NLN: variants seen among roughly 807,000 people sequenced by gnomAD.
NLN encodes the protein neurolysin.
A neutral mutation model predicts 79.9 loss-of-function variants in NLN; 64 were observed. The observed-to-expected ratio is 0.80, with a 90% CI of 0.65 to 0.99. NLN has a LOEUF of 0.99. Among genes scored for constraint, NLN ranks in the 50% least tolerant of loss-of-function variants. The probability of loss-of-function intolerance (pLI) is 0.00; values close to 1 mark genes in which losing one functional copy is unlikely to be tolerated. For missense variants in NLN, 835 were observed against 858.7 expected (o/e 0.97, Z 0.34); for synonymous variants, 267 against 296.6 (o/e 0.90, Z 1.02).
intron 12 of NLN, among the ~76,000 whole-genome samples, chr5:65,812,969 A>G (rs1458923996): frequency 1.3e-4 from 20 of 152,070 alleles, no homozygotes; most frequent in Admixed American, 1.3e-3. Context: ...ACAGCCCCCA[A>G]TCTCCATTCT....
intron 1 of NLN, among the ~76,000 whole-genome samples, chr5:65,750,540 ACTCCATCT>A (rs974185405): frequency 5.1e-4 from 78 of 152,214 alleles, no homozygotes; most frequent in African/African-American, 1.8e-3. Context: ...ACATAGCAAG[ACTCCATCT>A]CTACTAAAAA....
At chr5:65,816,523 G>A (rs1221180876) in intron 12 of NLN, among the ~76,000 whole-genome samples, 6 of 149,530 alleles carry the variant, frequency 4.0e-5, no homozygotes, top group African/African-American at 7.4e-5. Flanking sequence ...CTCGTACCCC[G>A]AACGTAAAAG....
chr5:65,786,278 C>T (rs16894342), intron 7 of NLN, among the ~76,000 whole-genome samples: 18,496 of 151,898 alleles, frequency 0.12, 2,564 homozygotes, highest in African/African-American at 0.34. Flanking sequence ...ACAAATATGA[C>T]GTACATAAAA....
In NLN at chr5:65,763,079, G is replaced by A; in HGVS notation, c.421G>A (p.Asp141Asn). 6.2e-7 allele frequency: 1 copy of A among 1,613,564 alleles called. No homozygotes were observed. The highest frequency in any genetic ancestry group is 1.7e-5 in the Admixed American group (1 of 59,984). ...TGATATTGAGATGAGCATGAGAGGA[G>A]ATATATTTGAGAGAATTGTTCATTT... ...RFDIEMSMRG[D>N]IFERIVHLQE... The change falls in exon 3 of 13, where the codon GAT becomes AAT. Residue 141 changes from aspartate (D) to asparagine (N), a missense_variant. Asp to Asn is a conservative substitution (Grantham distance 23, BLOSUM62 1). Coordinates refer to ENST00000380985, the MANE Select transcript of NLN (RefSeq NM_020726.5).
intron 3 of NLN, among the ~76,000 whole-genome samples, chr5:65,769,224 G>T (rs1192569681): frequency 6.6e-6 from 1 of 152,228 alleles, no homozygotes; most frequent in East Asian, 1.9e-4. Context: ...AGTCTGGGGA[G>T]TATCATTTAA....
chr5:65,779,395 T>A (rs1029598432), intron 4 of NLN, among the ~76,000 whole-genome samples: 8 of 152,250 alleles, frequency 5.3e-5, no homozygotes, highest in African/African-American at 1.9e-4. Context: ...TTCTTATTGC[T>A]TCATTTGATC....
intron 9 of NLN, among the ~76,000 whole-genome samples, chr5:65,795,950 G>A (rs920064429): frequency 2.0e-5 from 3 of 152,016 alleles, no homozygotes; most frequent in Non-Finnish European, 4.4e-5. Flanking sequence ...TTAAAATAGT[G>A]GATGCTCACA....
In NLN at chr5:65,824,178, G is replaced by A. The variant is rs1167950658; in HGVS notation, c.*1263G>A. ...AACAACTTTGAATTCCCCTGCCTAGGTCTTCCAGTTGTTTTCCAGCGCATA... is the reference window on the plus strand; with the variant it reads ...AACAACTTTGAATTCCCCTGCCTAGATCTTCCAGTTGTTTTCCAGCGCATA... On this transcript the variant is annotated 3_prime_UTR_variant, in exon 13 of 13. Coordinates refer to ENST00000380985, the MANE Select transcript of NLN (RefSeq NM_020726.5). 1 of 152,010 alleles carries A rather than the reference G, an allele frequency of 6.6e-6. No individual in the cohort carries two copies. Among genetic ancestry groups the A allele is most frequent in the African/African-American group, 2.4e-5 (1 of 41,370 alleles). 9.4% of individuals were successfully genotyped at this position (152,010 alleles called of 1,614,324 possible). A position where few individuals can be genotyped will look rare whatever the true frequency, so the allele number is the denominator to read the frequency against.
chr5:65,745,588 T>G (rs1401090988), intron 1 of NLN, among the ~76,000 whole-genome samples: 2 of 152,180 alleles, frequency 1.3e-5, no homozygotes, highest in African/African-American at 4.8e-5. Context: ...ATATAAACTC[T>G]TGGTGTAGTG....
chr5:65,750,919 G>A (rs1301518714), intron 1 of NLN, among the ~76,000 whole-genome samples: 1 of 152,168 alleles, frequency 6.6e-6, no homozygotes, highest in African/African-American at 2.4e-5. Flanking sequence ...TTGAGCTATG[G>A]CCTGAGAAGT....
At chr5:65,767,004 C>A (rs1012135756) in intron 3 of NLN, among the ~76,000 whole-genome samples, 4 of 152,236 alleles carry the variant, frequency 2.6e-5, no homozygotes, top group Non-Finnish European at 1.5e-5. Context: ...CAGGTTACAA[C>A]CCCTGTAGCT....
chr5:65,725,666 G>T (rs1448637415), intron 1 of NLN, among the ~76,000 whole-genome samples: 1 of 152,184 alleles, frequency 6.6e-6, no homozygotes, highest in Non-Finnish European at 1.5e-5. Flanking sequence ...GTTTTCACTT[G>T]AAAGCTAGAA....
At chr5:65,760,371 A>G (rs1419130905) in intron 2 of NLN, among the ~76,000 whole-genome samples, 3 of 152,182 alleles carry the variant, frequency 2.0e-5, no homozygotes, top group Non-Finnish European at 2.9e-5. Flanking sequence ...TCATTAGTCA[A>G]AGTCAAAGGG....
chr5:65,791,924 A>G (rs1344316172), intron 8 of NLN, among the ~76,000 whole-genome samples: 1 of 152,168 alleles, frequency 6.6e-6, no homozygotes, highest in African/African-American at 2.4e-5. Flanking sequence ...AGGCTAACTA[A>G]AAGCATTCTG....
At chr5:65,766,654 A>G (rs1159288472) in intron 3 of NLN, among the ~76,000 whole-genome samples, 1 of 152,190 alleles carries the variant, frequency 6.6e-6, no homozygotes, top group South Asian at 2.1e-4. Context: ...AGTCCCCCAT[A>G]GTCTTAATTC....
chr5:65,802,597 C>T (rs2150769984), intron 9 of NLN, among the ~76,000 whole-genome samples: 1 of 152,314 alleles, frequency 6.6e-6, no homozygotes, highest in South Asian at 2.1e-4. Flanking sequence ...CCTTTAGGCC[C>T]CACCATTCGG....
intron 7 of NLN, 200 bp downstream of exon 7, chr5:65,786,110 T>C: frequency 4.6e-6 from 2 of 430,980 alleles, no homozygotes; most frequent in Non-Finnish European, 8.2e-6. Context: ...TAGGCCTGGC[T>C]TCACTGTATC....
At chr5:65,796,027 C>A in intron 9 of NLN, among the ~76,000 whole-genome samples, 1 of 152,144 alleles carries the variant, frequency 6.6e-6, no homozygotes, top group Non-Finnish European at 1.5e-5. Flanking sequence ...GAAAAATACA[C>A]CTACAAATAT....
chr5:65,776,847 G>C (rs190134502), intron 3 of NLN, among the ~76,000 whole-genome samples: 2 of 152,296 alleles, frequency 1.3e-5, no homozygotes, highest in East Asian at 3.9e-4. Flanking sequence ...CCAGATACTT[G>C]TTCCTATGCG....
Sources: gnomAD v4.1 joint callset for allele counts (sites outside exome capture counted in the v4.1 genomes callset) on GRCh38, gnomAD v4.1.1 for gene constraint, MANE v1.5 for transcripts, NCBI Gene and HGNC (gene_info 2026-07-23, HGNC 2026-07-21) for gene names.